Variants in NUBPL observed in about 807,000 individuals in gnomAD.
The protein encoded by NUBPL is iron-sulfur cluster transfer protein NUBPL.
A neutral mutation model predicts 45.7 loss-of-function variants in NUBPL; 31 were observed. The observed-to-expected ratio is 0.68, with a 90% CI of 0.51 to 0.92. The LOEUF is 0.92. Among genes scored for constraint, NUBPL ranks in the 40% least tolerant of loss-of-function variants. The pLI, the probability that NUBPL is intolerant of heterozygous loss-of-function variation, is 0.00. For missense variants in NUBPL, 401 were observed against 398.7 expected, an observed-to-expected ratio of 1.01 and a Z score of -0.05; for synonymous variants, 144 against 140.9, an observed-to-expected ratio of 1.02 and a Z score of -0.15.
At chr14:31,826,348 T>C (rs1370337161) in intron 7 of NUBPL, among the ~76,000 whole-genome samples, 1 of 152,066 alleles carries the variant, frequency 6.6e-6, no homozygotes, top group Non-Finnish European at 1.5e-5. Context: ...CTTGAACTCC[T>C]GACCCCAAAC....
Position 31,859,481 on chromosome 14 carries a change from G to T in NUBPL, c.*301G>T, listed in dbSNP as rs189475622. ...GTTTATGATGTTACAAGTCCATTTT[G>T]GGAGAGAACTGTACACTTTTTGCAG... On this transcript the variant is annotated 3_prime_UTR_variant, in exon 11 of 11. Coordinates refer to ENST00000281081, the MANE Select transcript of NUBPL (RefSeq NM_025152.3). The T allele has an allele frequency of 1.3e-3, 511 of 402,240 alleles. 3 individuals are homozygous for T. The highest frequency in any genetic ancestry group is 9.4e-3 in the African/African-American group (463 of 49,084). 24.9% of individuals were successfully genotyped at this position (402,240 alleles called of 1,614,324 possible).
At chr14:31,691,065 A>T (rs931020371) in intron 6 of NUBPL, among the ~76,000 whole-genome samples, 3 of 2,044 alleles carry the variant, frequency 1.5e-3, no homozygotes, top group Non-Finnish European at 4.0e-3. Flanking sequence ...TTTTAGAGAA[A>T]AAAAAATCAG....
intron 10 of NUBPL, among the ~76,000 whole-genome samples, chr14:31,855,434 G>C (rs1001790086): frequency 3.9e-5 from 6 of 152,212 alleles, no homozygotes; most frequent in African/African-American, 1.4e-4. Flanking sequence ...GGACTTTAGA[G>C]TCAGTTGGAC....
chr14:31,712,605 G>A lies in NUBPL; in HGVS notation c.513+39031G>A, dbSNP rs561289354. ...CCACAGCACAGTGGCGGGCTGAAGC[G>A]CTCCTCGAGTGCAGCCAGAGAGGAT... On this transcript the variant is annotated intron_variant, in intron 6 of 10. Coordinates refer to ENST00000281081, the MANE Select transcript of NUBPL (RefSeq NM_025152.3). Among the ~76,000 whole-genome samples, 84 of 152,372 alleles carry A rather than the reference G, an allele frequency of 5.5e-4. 1 individual carries two copies. In the Middle Eastern group the frequency reaches 0.01, roughly 19 times the overall value.
intron 4 of NUBPL, among the ~76,000 whole-genome samples, chr14:31,663,740 A>C (rs1180402077): frequency 6.6e-6 from 1 of 152,110 alleles, no homozygotes; most frequent in African/African-American, 2.4e-5. Flanking sequence ...TTTGTTCCAT[A>C]TGAAATATAA....
At chr14:31,786,908 CA>C (rs1253901553) in intron 6 of NUBPL, among the ~76,000 whole-genome samples, 2 of 152,146 alleles carry the variant, frequency 1.3e-5, no homozygotes, top group African/African-American at 4.8e-5. Context: ...TTGTTAGGAA[CA>C]GACTAGATAG....
chr14:31,728,610 A>G (rs2037978350), intron 6 of NUBPL, among the ~76,000 whole-genome samples: 1 of 152,198 alleles, frequency 6.6e-6, no homozygotes, highest in Non-Finnish European at 1.5e-5. Context: ...ATCAATTTAG[A>G]AGGGTCAAAG....
intron 6 of NUBPL, among the ~76,000 whole-genome samples, chr14:31,696,901 A>G (rs1467202866): frequency 6.6e-6 from 1 of 152,216 alleles, no homozygotes; most frequent in Non-Finnish European, 1.5e-5. Context: ...AATATAAGAG[A>G]AAAACGGAGT....
intron 6 of NUBPL, among the ~76,000 whole-genome samples, chr14:31,674,614 CCT>C (rs1019135789): frequency 9.9e-5 from 15 of 151,992 alleles, no homozygotes; most frequent in African/African-American, 3.6e-4. Flanking sequence ...ATTAACCCAC[CCT>C]CTGTTTTCTG....
intron 4 of NUBPL, among the ~76,000 whole-genome samples, chr14:31,606,053 C>T (rs1174488727): frequency 1.3e-5 from 2 of 150,586 alleles, no homozygotes; most frequent in Non-Finnish European, 3.0e-5. Flanking sequence ...CCTCCTCCTC[C>T]ATTCTTCTTC....
intron 4 of NUBPL, chr14:31,654,175 AG>A (rs2036083676): frequency 2.2e-6 from 1 of 450,820 alleles, no homozygotes; most frequent in Non-Finnish European, 4.4e-6. Flanking sequence ...TGCATATAAA[AG>A]TTATGTTTAC....
Position 31,834,178 on chromosome 14 carries a change from CTT to C in NUBPL, c.693+7484_693+7485del, listed in dbSNP as rs34255943. ...GAGACAAGCCTACTGTGGCCTGGAA[CTT>C]TTTTTTTTTTTTTTTTTTTGAGACA... is the stretch of plus-strand genomic sequence containing the variant. On this transcript the variant is annotated intron_variant, in intron 8 of 10. Coordinates refer to ENST00000281081, the MANE Select transcript of NUBPL (RefSeq NM_025152.3). 2.2e-3 allele frequency among the ~76,000 whole-genome samples: 232 copies of C among 106,990 alleles called. 2 individuals are homozygous for C. The highest frequency in any genetic ancestry group is 8.1e-3 in the African/African-American group (217 of 26,734). 70.2% of individuals were successfully genotyped at this position (106,990 alleles called of 152,430 possible).
At chr14:31,587,353 G>A (rs185082026) in intron 3 of NUBPL, among the ~76,000 whole-genome samples, 75 of 152,288 alleles carry the variant, frequency 4.9e-4, no homozygotes, top group African/African-American at 1.7e-3. Flanking sequence ...TGCTAAATGT[G>A]TAGGAATAAT....
intron 6 of NUBPL, among the ~76,000 whole-genome samples, chr14:31,748,881 G>A (rs1052785485): frequency 1.3e-5 from 2 of 152,102 alleles, no homozygotes; most frequent in South Asian, 4.1e-4. Flanking sequence ...TAAAGTGCTA[G>A]GATTACAGGT....
rs1038485661 is a variant in NUBPL, at chr14:31,700,417, T to G, written c.513+26843T>G. Among the ~76,000 whole-genome samples, 17 of 152,268 alleles carry G rather than the reference T, an allele frequency of 1.1e-4. No individual in the cohort carries two copies. The East Asian group carries it at 3.3e-3, about 30-fold the overall frequency. ...GCAGCCCTCGCTTGCTCTCGGTGCC[T>G]TCTCGGCCTCAGCGCCTACTCTGGC... On this transcript the variant is annotated intron_variant, in intron 6 of 10. Coordinates refer to ENST00000281081, the MANE Select transcript of NUBPL (RefSeq NM_025152.3).
intron 4 of NUBPL, among the ~76,000 whole-genome samples, chr14:31,637,502 C>G (rs1248620294): frequency 6.6e-6 from 1 of 152,178 alleles, no homozygotes; most frequent in Non-Finnish European, 1.5e-5. Context: ...GAGAGCTTTA[C>G]TTCCAAGTAT....
At chr14:31,850,049 C>A in intron 9 of NUBPL, 70 bp from the exon 10 acceptor site, 2 of 1,138,448 alleles carry the variant, frequency 1.8e-6, no homozygotes, top group Non-Finnish European at 2.7e-6. Context: ...TTCCATAGTT[C>A]AAATAGTGAG....
rs570889455 is a variant in NUBPL, at chr14:31,749,287, T to C, written c.514-38493T>C. Reference sequence around the variant, plus strand: ...TTTCTCTCTTTTTCAGCTGTGTATCTGTTCTACCTGAATTTTATACTTTAT... The same window carrying C: ...TTTCTCTCTTTTTCAGCTGTGTATCCGTTCTACCTGAATTTTATACTTTAT... On this transcript the variant is annotated intron_variant, in intron 6 of 10. Transcript: ENST00000281081. Among the ~76,000 whole-genome samples, 16 of 152,340 alleles carry C rather than the reference T, an allele frequency of 1.1e-4. No homozygotes were observed. The East Asian group carries it at 2.1e-3, about 20-fold the overall frequency.
intron 7 of NUBPL, among the ~76,000 whole-genome samples, chr14:31,790,667 T>G (rs1011327126): frequency 1.3e-5 from 2 of 151,708 alleles, no homozygotes; most frequent in Non-Finnish European, 2.9e-5. Context: ...CTGGCTAACA[T>G]GGTGAAACCC....
Sources: gnomAD v4.1 joint callset for allele counts (sites outside exome capture counted in the v4.1 genomes callset) on GRCh38, gnomAD v4.1.1 for gene constraint, MANE v1.5 for transcripts, NCBI Gene and HGNC (gene_info 2026-07-23, HGNC 2026-07-21) for gene names.